TTC39B: variants seen among roughly 807,000 people sequenced by gnomAD.
TTC39B encodes the protein tetratricopeptide repeat protein 39B.
TTC39B carries 92 observed loss-of-function variants against 96.6 expected under a neutral mutation model. That is an observed-to-expected ratio of 0.95 (90% confidence interval 0.80 to 1.13). The LOEUF (loss-of-function observed/expected upper bound fraction) is 1.13. TTC39B is among the 50% of genes most tolerant of loss of function. The pLI, the probability that TTC39B is intolerant of heterozygous loss-of-function variation, is 0.00. For missense variants in TTC39B, 955 were observed against 809.3 expected, an observed-to-expected ratio of 1.18 and a Z score of -2.18; for synonymous variants, 367 against 299.4, an observed-to-expected ratio of 1.23 and a Z score of -2.33.
intron 1 of TTC39B, among the ~76,000 whole-genome samples, chr9:15,288,267 C>T (rs543867406): frequency 1.3e-5 from 2 of 152,116 alleles, no homozygotes; most frequent in East Asian, 1.9e-4. Context: ...CCTGGAAACC[C>T]GCAGCCCTAA....
At chr9:15,169,313 G>C (rs1186597395) in exon 20 of TTC39B, 1 of 152,164 alleles carries the variant, frequency 6.6e-6, no homozygotes, top group African/African-American at 2.4e-5. Flanking sequence ...TATATGTCCA[G>C]ATAAGAGCTG....
chr9:15,228,671 G>A (rs1821263206), intron 2 of TTC39B, among the ~76,000 whole-genome samples: 1 of 152,090 alleles, frequency 6.6e-6, no homozygotes, highest in Non-Finnish European at 1.5e-5. Context: ...TACTTCATAA[G>A]TTTCCCCCTC....
At chr9:15,187,111 C>T in intron 14 of TTC39B, 76 bp from the exon 15 acceptor site, 1 of 1,028,276 alleles carries the variant, frequency 9.7e-7, no homozygotes, top group Non-Finnish European at 1.4e-6. Context: ...CAGGAATGAC[C>T]AACAAGTCTT....
chr9:15,238,695 G>A (rs749208703), intron 2 of TTC39B, among the ~76,000 whole-genome samples: 49 of 152,098 alleles, frequency 3.2e-4, no homozygotes, highest in Non-Finnish European at 6.2e-4. Flanking sequence ...TCATTAAAAT[G>A]ACCATATTGG....
intron 1 of TTC39B, among the ~76,000 whole-genome samples, chr9:15,272,740 C>T (rs555947861): frequency 6.6e-6 from 1 of 152,330 alleles, no homozygotes; most frequent in Admixed American, 6.5e-5. Context: ...GCACAGTACT[C>T]TGTACTTCAT....
chr9:15,267,846 T>C, intron 2 of TTC39B, 68 bp downstream of exon 2: 2 of 1,416,564 alleles, frequency 1.4e-6, no homozygotes, highest in South Asian at 1.2e-5. Context: ...GAATGAAATA[T>C]TTACTTTTTA....
chr9:15,193,028 G>A (rs572730503), intron 8 of TTC39B, among the ~76,000 whole-genome samples: 1 of 152,292 alleles, frequency 6.6e-6, no homozygotes, highest in Non-Finnish European at 1.5e-5. Flanking sequence ...CGGACTCCCT[G>A]CAAGCGCTCA....
At chr9:15,246,630 CT>C (rs749430989) in intron 2 of TTC39B, among the ~76,000 whole-genome samples, 11 of 152,230 alleles carry the variant, frequency 7.2e-5, no homozygotes, top group Admixed American at 1.3e-4. Context: ...GTTGCTACTT[CT>C]TGTCATTTGG....
At chr9:15,285,592 C>G (rs1398612436) in intron 1 of TTC39B, among the ~76,000 whole-genome samples, 1 of 152,206 alleles carries the variant, frequency 6.6e-6, no homozygotes, top group Non-Finnish European at 1.5e-5. Context: ...CGGTGGCTCA[C>G]GCCTGTAATC....
intron 1 of TTC39B, among the ~76,000 whole-genome samples, chr9:15,294,596 C>T (rs1327741364): frequency 6.6e-6 from 1 of 152,136 alleles, no homozygotes; most frequent in Admixed American, 6.5e-5. Flanking sequence ...CCCCTGTTTA[C>T]TGCTCTCTTT....
chr9:15,296,958 GC>G (rs1269803910), intron 1 of TTC39B, among the ~76,000 whole-genome samples: 1 of 152,086 alleles, frequency 6.6e-6, no homozygotes. Context: ...CTCTAATCTA[GC>G]CTGTGTGACA....
intron 1 of TTC39B, among the ~76,000 whole-genome samples, chr9:15,289,121 T>C (rs1433574280): frequency 6.6e-6 from 1 of 152,242 alleles, no homozygotes; most frequent in Non-Finnish European, 1.5e-5. Context: ...GTGAGGAAAC[T>C]GTGGCTCAAA....
At chr9:15,207,450 G>A (rs1048919914) in intron 6 of TTC39B, among the ~76,000 whole-genome samples, 11 of 152,128 alleles carry the variant, frequency 7.2e-5, no homozygotes, top group South Asian at 2.1e-4. Context: ...TCCTTCATCC[G>A]TATATGACAC....
At chr9:15,192,853 A>G (rs1818938141) in intron 8 of TTC39B, among the ~76,000 whole-genome samples, 158 bp from the exon 9 acceptor site, 1 of 152,232 alleles carries the variant, frequency 6.6e-6, no homozygotes, top group South Asian at 2.1e-4. Flanking sequence ...ACTCTTAAGG[A>G]TACTAGGTAA....
intron 3 of TTC39B, 46 bp downstream of exon 3, chr9:15,225,871 A>C: frequency 6.5e-7 from 1 of 1,550,358 alleles, no homozygotes; most frequent in South Asian, 1.1e-5. Context: ...CAAGGGTGGG[A>C]CTGTCCTCCC....
At chr9:15,212,882 A>G (rs937849836) in intron 4 of TTC39B, among the ~76,000 whole-genome samples, 7 of 152,244 alleles carry the variant, frequency 4.6e-5, no homozygotes, top group Non-Finnish European at 8.8e-5. Context: ...AGTTAAATGG[A>G]AGCAATAACT....
At chr9:15,231,907 G>T (rs890042041) in intron 2 of TTC39B, among the ~76,000 whole-genome samples, 4 of 152,138 alleles carry the variant, frequency 2.6e-5, no homozygotes, top group Non-Finnish European at 5.9e-5. Flanking sequence ...ATCTAGAGTC[G>T]AAATGGTATC....
At chr9:15,266,670 G>A (rs973694332) in intron 2 of TTC39B, among the ~76,000 whole-genome samples, 1 of 152,134 alleles carries the variant, frequency 6.6e-6, no homozygotes, top group Non-Finnish European at 1.5e-5. Flanking sequence ...ACATGCACAT[G>A]TTCAAGCCCA....
chr9:15,183,487 G>T, intron 16 of TTC39B: 2 of 346,326 alleles, frequency 5.8e-6, no homozygotes, highest in South Asian at 4.4e-5. Flanking sequence ...AAAAATCCCA[G>T]TACTAACATT....
Sources: allele counts gnomAD v4.1 joint callset (sites outside exome capture counted in the v4.1 genomes callset), GRCh38; gene constraint gnomAD v4.1.1; transcripts MANE v1.5; gene names NCBI Gene and HGNC (gene_info 2026-07-23, HGNC 2026-07-21).